The following PREX2 variants were observed in gnomAD, a reference collection of about 807,000 sequenced individuals.
PREX2 encodes phosphatidylinositol-3,4,5-trisphosphate dependent Rac exchange factor 2, also known as phosphatidylinositol 3,4,5-trisphosphate-dependent Rac exchanger 2 protein.
In PREX2, 107 loss-of-function variants were observed where a neutral mutation model predicts 203.2. That is an observed-to-expected ratio of 0.53 (90% CI 0.45 to 0.62). PREX2 has a LOEUF of 0.62. Ranked by LOEUF, PREX2 falls within the 20% of genes least tolerant of loss-of-function variation. The pLI, the probability that PREX2 is intolerant of heterozygous loss-of-function variation, is 0.00. For missense variants in PREX2, 1,777 were observed against 1,955.9 expected (o/e 0.91, Z 1.72); for synonymous variants, 672 against 663.6 (o/e 1.01, Z -0.19).
intron 18 of PREX2, among the ~76,000 whole-genome samples, chr8:68,087,167 G>T (rs1186774918): frequency 2.6e-5 from 4 of 152,140 alleles, no homozygotes; most frequent in African/African-American, 9.7e-5. Context: ...ATCTTTCTGT[G>T]TCAGAGTAGT....
At chr8:68,060,493 G>T (rs1808815276) in intron 10 of PREX2, among the ~76,000 whole-genome samples, 186 bp from the exon 11 acceptor site, 1 of 152,204 alleles carries the variant, frequency 6.6e-6, no homozygotes, top group Admixed American at 6.5e-5. Context: ...GGGTTTTCTA[G>T]AATAGAGTTC....
intron 37 of PREX2, among the ~76,000 whole-genome samples, chr8:68,217,396 A>G (rs1812864454): frequency 1.3e-5 from 2 of 152,172 alleles, no homozygotes; most frequent in African/African-American, 4.8e-5. Context: ...ACAGTTCATC[A>G]TGGGATTGTT....
chr8:68,154,890 G>A (rs1811510409), intron 34 of PREX2, among the ~76,000 whole-genome samples: 1 of 152,134 alleles, frequency 6.6e-6, no homozygotes, highest in African/African-American at 2.4e-5. Flanking sequence ...TGGGAGAGGT[G>A]GGGAATGTAG....
intron 24 of PREX2, among the ~76,000 whole-genome samples, 163 bp downstream of exon 24, chr8:68,108,494 G>A (rs569334583): frequency 1.3e-5 from 2 of 152,324 alleles, no homozygotes; most frequent in South Asian, 4.1e-4. Context: ...TTATGCCTAA[G>A]TGTATACTGA....
chr8:68,048,329 T>C (rs2129610998), intron 8 of PREX2, among the ~76,000 whole-genome samples: 1 of 152,216 alleles, frequency 6.6e-6, no homozygotes, highest in South Asian at 2.1e-4. Flanking sequence ...TAGTATCAGA[T>C]CATTAGTATT....
At position 68,027,213 on chromosome 8, in the gene PREX2, T is replaced by C; in HGVS notation, c.442-9T>C. ...AAGATGTAATTAATTTTGATTATTTTCACCCCAGAACTGCATGCTGCTTGG... is the reference window on the plus strand; with the variant it reads ...AAGATGTAATTAATTTTGATTATTTCCACCCCAGAACTGCATGCTGCTTGG... On this transcript the variant is annotated splice_polypyrimidine_tract_variant and intron_variant, in intron 4 of 39. Coordinates refer to ENST00000288368, the MANE Select transcript of PREX2 (RefSeq NM_024870.4). 6.3e-7 allele frequency: 1 copy of C among 1,596,218 alleles called. No homozygotes were observed. The highest frequency in any genetic ancestry group is 8.6e-7 in the Non-Finnish European group (1 of 1,165,020).
At chr8:67,976,946 A>G (rs1806129409) in intron 1 of PREX2, among the ~76,000 whole-genome samples, 1 of 152,234 alleles carries the variant, frequency 6.6e-6, no homozygotes, top group South Asian at 2.1e-4. Context: ...GTCTAGCTGA[A>G]CACTTCTCAA....
chr8:68,019,203 C>A (rs1023339606), intron 2 of PREX2, among the ~76,000 whole-genome samples: 5 of 152,364 alleles, frequency 3.3e-5, no homozygotes, highest in Admixed American at 3.3e-4. Context: ...GAAAAGAGGA[C>A]TGTCCGTTCT....
chr8:68,049,164 G>T (rs1808449217), intron 8 of PREX2, among the ~76,000 whole-genome samples: 1 of 144,050 alleles, frequency 6.9e-6, no homozygotes. Context: ...ATGCTATTTG[G>T]GATGCTGGAA....
chr8:68,003,050 AG>A (rs1250697697), intron 1 of PREX2, among the ~76,000 whole-genome samples: 1 of 152,190 alleles, frequency 6.6e-6, no homozygotes, highest in Non-Finnish European at 1.5e-5. Context: ...GTTTCAAGGG[AG>A]ATTTTTATGC....
Position 68,192,383 on chromosome 8 carries a change from T to G in PREX2, c.4462T>G (p.Ser1488Ala), listed in dbSNP as rs1359800790. ...GGATGAACTTTACCGACTGGTAGCC[T>G]CGTTTATCAGATCCAAGCGCACAGC... ...ALDELYRLVA[S>A]FIRSKRTAAC... The change falls in exon 37 of 40, where the codon TCG becomes GCG. Residue 1488 changes from serine (S) to alanine (A), a missense_variant. By Grantham distance (99) the Ser-to-Ala change is moderately conservative. Coordinates refer to ENST00000288368, the MANE Select transcript of PREX2 (RefSeq NM_024870.4). 1 of 1,612,664 alleles carries G rather than the reference T, an allele frequency of 6.2e-7. No individual in the cohort carries two copies. Among genetic ancestry groups the G allele is most frequent in the Admixed American group, 1.7e-5 (1 of 59,806 alleles).
intron 22 of PREX2, among the ~76,000 whole-genome samples, 198 bp from the exon 23 acceptor site, chr8:68,099,484 C>T (rs771247798): frequency 7.9e-5 from 12 of 152,162 alleles, no homozygotes; most frequent in East Asian, 7.7e-4. Context: ...TCACTGACAG[C>T]GCCTCCTGAC....
intron 23 of PREX2, chr8:68,101,386 C>G (rs773944062): frequency 5.8e-6 from 3 of 518,766 alleles, no homozygotes; most frequent in South Asian, 4.2e-5. Context: ...ACTATTGTAT[C>G]TTTTAAAAAG....
chr8:68,197,803 A>T (rs1442375500), intron 37 of PREX2, among the ~76,000 whole-genome samples: 1 of 148,784 alleles, frequency 6.7e-6, no homozygotes. Flanking sequence ...TATATATGCT[A>T]TATATATGCT....
At chr8:68,221,299 A>G (rs1379395760) in intron 38 of PREX2, among the ~76,000 whole-genome samples, 1 of 152,080 alleles carries the variant, frequency 6.6e-6, no homozygotes, top group Non-Finnish European at 1.5e-5. Context: ...TGACTTTGCT[A>G]TTGTGAATAA....
At chr8:68,207,064 C>T (rs779076549) in intron 37 of PREX2, among the ~76,000 whole-genome samples, 9 of 151,888 alleles carry the variant, frequency 5.9e-5, no homozygotes, top group Non-Finnish European at 1.3e-4. Flanking sequence ...AGGAAAATAT[C>T]GATAAATAAA....
chr8:68,023,684 C>G (rs974033465), intron 4 of PREX2, among the ~76,000 whole-genome samples: 5 of 151,950 alleles, frequency 3.3e-5, no homozygotes, highest in Non-Finnish European at 7.4e-5. Context: ...TATAAGAAAT[C>G]TGTATTCAGG....
At chr8:68,093,390 C>CAAAAA (rs56001927) in intron 20 of PREX2, among the ~76,000 whole-genome samples, 13 of 81,422 alleles carry the variant, frequency 1.6e-4, no homozygotes, top group Non-Finnish European at 2.0e-4. Flanking sequence ...AACTCCATCT[C>CAAAAA]AAAAAAAAAA....
intron 35 of PREX2, among the ~76,000 whole-genome samples, chr8:68,170,283 A>G (rs1339627918): frequency 6.6e-6 from 1 of 152,216 alleles, no homozygotes; most frequent in Non-Finnish European, 1.5e-5. Context: ...TGTAAACAGA[A>G]TGGAGAGGCC....
Sources: allele counts gnomAD v4.1 joint callset (sites outside exome capture counted in the v4.1 genomes callset), GRCh38; gene constraint gnomAD v4.1.1; transcripts MANE v1.5; gene names NCBI Gene and HGNC (gene_info 2026-07-23, HGNC 2026-07-21).